The following SYNE1 variants were observed in gnomAD, a reference collection of about 807,000 sequenced individuals.
SYNE1 encodes the protein nesprin-1.
Under a neutral mutation model 1,111.0 loss-of-function variants are expected in SYNE1, and 616 were observed. The ratio of observed to expected loss-of-function variants is 0.55; its 90% CI spans 0.52 to 0.59. The LOEUF (loss-of-function observed/expected upper bound fraction) is 0.59. SYNE1 is among the 20% of genes least tolerant of loss of function. The pLI, the probability that SYNE1 is intolerant of heterozygous loss-of-function variation, is 0.00. For synonymous variants in SYNE1, 3,855 were observed against 3,825.8 expected, an observed-to-expected ratio of 1.01 and a Z score of -0.28; for missense variants, 10,006 against 10,417.0, an observed-to-expected ratio of 0.96 and a Z score of 1.72.
chr6:152,255,311 T>C (rs2090544066), intron 103 of SYNE1, among the ~76,000 whole-genome samples: 1 of 152,234 alleles, frequency 6.6e-6, no homozygotes, highest in African/African-American at 2.4e-5. Context: ...TAAAGTGCTA[T>C]TTAGGAATTT....
At chr6:152,174,529 T>C (rs1316484242) in intron 130 of SYNE1, among the ~76,000 whole-genome samples, 1 of 152,236 alleles carries the variant, frequency 6.6e-6, no homozygotes, top group African/African-American at 2.4e-5. Context: ...ACAGTCACTG[T>C]CACATTGTAA....
chr6:152,380,377 T>C (rs530106712), intron 56 of SYNE1, among the ~76,000 whole-genome samples: 1 of 152,088 alleles, frequency 6.6e-6, no homozygotes, highest in East Asian at 1.9e-4. Context: ...GAGGTTACAC[T>C]CTTGCTCATT....
intron 140 of SYNE1, among the ~76,000 whole-genome samples, chr6:152,138,790 A>C (rs1362698753): frequency 5.3e-5 from 8 of 152,138 alleles, no homozygotes; most frequent in Non-Finnish European, 1.5e-5. Context: ...TCAGTTCATG[A>C]GATGCTCACA....
intron 115 of SYNE1, 136 bp downstream of exon 115, chr6:152,230,411 C>A: frequency 1.1e-6 from 1 of 924,402 alleles, no homozygotes; most frequent in South Asian, 1.5e-5. Context: ...CTCACAAAAT[C>A]AGCAAAATTT....
chr6:152,249,536 T>C (rs1020329401), intron 104 of SYNE1, among the ~76,000 whole-genome samples: 7 of 152,314 alleles, frequency 4.6e-5, no homozygotes, highest in Middle Eastern at 6.8e-3. Flanking sequence ...CACCCTAATC[T>C]CATTACATCC....
chr6:152,134,846 G>C lies in SYNE1; in HGVS notation c.25788+258C>G. 4.3e-6 allele frequency: 2 copies of C among 470,070 alleles called. 1 individual carries two copies. The highest frequency in any genetic ancestry group is 4.7e-5 in the South Asian group (2 of 42,922). 29.1% of individuals were successfully genotyped at this position (470,070 alleles called of 1,614,324 possible). On this transcript the variant is annotated intron_variant, in intron 142 of 145. Transcript: ENST00000367255. ...TAAACAACACAAGCTAATTAAGATT[G>C]CTTGAGAACACTAAGATTTTTACAA...
intron 3 of SYNE1, among the ~76,000 whole-genome samples, chr6:152,603,117 G>A (rs920464494): frequency 1.3e-5 from 2 of 152,166 alleles, no homozygotes; most frequent in Non-Finnish European, 2.9e-5. Context: ...AGGAACATGA[G>A]ACAGGACTTT....
intron 128 of SYNE1, among the ~76,000 whole-genome samples, chr6:152,186,285 G>A (rs577872846): frequency 2.6e-5 from 4 of 152,170 alleles, no homozygotes; most frequent in East Asian, 3.9e-4. Context: ...GACCGGGCAC[G>A]GTGGCTTACG....
rs1196181686 is a variant in SYNE1 at position 152,428,341 on chromosome 6, C to T, written c.4840G>A (p.Ala1614Thr). Residue 1614 changes from alanine to threonine, a missense_variant, in exon 37 of 146, where the codon GCC becomes ACC. Coordinates refer to ENST00000367255, the MANE Select transcript of SYNE1 (RefSeq NM_182961.4). ...SLSSAITAFS[A>T]SARKVVNRDS... ...CTGTTCACAACCTTCCTGGCACTGG[C>T]TGAGAAGGCAGTGATCGCGCTGCTC... 2 of 1,614,106 alleles carry T rather than the reference C, an allele frequency of 1.2e-6. No homozygotes were observed. The highest frequency in any genetic ancestry group is 3.3e-5 in the Admixed American group (2 of 60,026).
At chr6:152,485,460 A>T (rs187095726) in intron 12 of SYNE1, among the ~76,000 whole-genome samples, 149 of 152,350 alleles carry the variant, frequency 9.8e-4, no homozygotes, top group African/African-American at 3.4e-3. Flanking sequence ...AGCTGTCTAG[A>T]TTTGTGTTTA....
chr6:152,308,712 C>T (rs2095456681), intron 90 of SYNE1, 80 bp from the exon 91 acceptor site: 1 of 1,472,334 alleles, frequency 6.8e-7, no homozygotes, highest in African/African-American at 1.4e-5. Context: ...TGTAGTTTAA[C>T]TCCTATTTAC....
chr6:152,502,848 G>A lies in SYNE1; in HGVS notation c.779-106C>T. On this transcript the variant is annotated intron_variant, in intron 9 of 145. Transcript: ENST00000367255. ...CACACCAAAAACGCTAAACGCAGAAGGAAAACAGAAGTACTATTTAGAATT... is the reference window on the plus strand; with the variant it reads ...CACACCAAAAACGCTAAACGCAGAAAGAAAACAGAAGTACTATTTAGAATT... 3.5e-6 allele frequency: 3 copies of A among 869,276 alleles called. No homozygotes were observed. The Admixed American group carries it at 6.3e-5, about 18-fold the overall frequency. The allele number at this position is 869,276 out of a possible 1,614,324, so 53.8% of individuals were successfully genotyped here.
In SYNE1 at chr6:152,404,021, GAT is replaced by G. The variant is rs1214829096; in HGVS notation, c.6825+190_6825+191del. On this transcript the variant is annotated intron_variant, in intron 46 of 145. Coordinates refer to ENST00000367255, the MANE Select transcript of SYNE1 (RefSeq NM_182961.4). The stretch of plus-strand genomic sequence containing the variant: ...ATATAAAGGAGATATACATATATAT[GAT>G]ATATATATATGAGATACATATATAG... Among the ~76,000 whole-genome samples, 21 of 148,774 alleles carry G rather than the reference GAT, an allele frequency of 1.4e-4. No homozygotes were observed. In the East Asian group the frequency reaches 3.2e-3, roughly 22 times the overall value.
intron 67 of SYNE1, among the ~76,000 whole-genome samples, chr6:152,354,147 A>C (rs1051173222): frequency 1.3e-5 from 2 of 152,204 alleles, no homozygotes; most frequent in Non-Finnish European, 2.9e-5. Flanking sequence ...CTCCAAAAAA[A>C]TTAAATAAAA....
intron 114 of SYNE1, 106 bp from the exon 115 acceptor site, chr6:152,230,808 A>G: frequency 7.7e-7 from 1 of 1,294,282 alleles, no homozygotes; most frequent in Non-Finnish European, 1.1e-6. Flanking sequence ...AAGAATTCTT[A>G]AAATACAGTT....
At chr6:152,428,445 G>A in intron 36 of SYNE1, 53 bp from the exon 37 acceptor site, 1 of 1,597,154 alleles carries the variant, frequency 6.3e-7, no homozygotes, top group South Asian at 1.1e-5. Flanking sequence ...AACGAGGCCT[G>A]CATTTTTCTT....
At chr6:152,239,275 A>C (rs1207438909) in intron 108 of SYNE1, among the ~76,000 whole-genome samples, 1 of 152,060 alleles carries the variant, frequency 6.6e-6, no homozygotes, top group Non-Finnish European at 1.5e-5. Context: ...AAAACCCCAA[A>C]TATCTTCATG....
At chr6:152,190,803 T>C (rs1345162737) in intron 127 of SYNE1, among the ~76,000 whole-genome samples, 1 of 152,206 alleles carries the variant, frequency 6.6e-6, no homozygotes, top group Non-Finnish European at 1.5e-5. Flanking sequence ...CACACATAAG[T>C]GAAAACATGT....
chr6:152,259,111 A>C (rs541904210), intron 101 of SYNE1, among the ~76,000 whole-genome samples: 2 of 152,218 alleles, frequency 1.3e-5, no homozygotes, highest in African/African-American at 4.8e-5. Flanking sequence ...GATCCTGTAA[A>C]TATGCCAAGC....
Sources: allele counts gnomAD v4.1 joint callset (sites outside exome capture counted in the v4.1 genomes callset), GRCh38; gene constraint gnomAD v4.1.1; transcripts MANE v1.5; gene names NCBI Gene and HGNC (gene_info 2026-07-23, HGNC 2026-07-21).